DPPA2: variants seen among roughly 807,000 people sequenced by gnomAD.
The protein encoded by DPPA2 is developmental pluripotency associated 2.
A neutral mutation model predicts 36.2 loss-of-function variants in DPPA2; 26 were observed. The observed-to-expected ratio is 0.72, with a 90% CI of 0.53 to 1.00. The LOEUF (loss-of-function observed/expected upper bound fraction) is 1.00, where lower values mean the gene tolerates loss of function less well. DPPA2 is among the 50% of genes least tolerant of loss of function. DPPA2 has a pLI of 0.00. For synonymous variants in DPPA2, 113 were observed against 123.2 expected (o/e 0.92, Z 0.55); for missense variants, 361 against 365.1 (o/e 0.99, Z 0.09).
At chr3:109,297,937 C>G (rs1707382049) in intron 8 of DPPA2, among the ~76,000 whole-genome samples, 1 of 152,130 alleles carries the variant, frequency 6.6e-6, no homozygotes, top group African/African-American at 2.4e-5. Flanking sequence ...TGAGACCCAT[C>G]TCTACTAAAA....
At chr3:109,310,785 T>C (rs893835541) in intron 3 of DPPA2, among the ~76,000 whole-genome samples, 8 of 151,780 alleles carry the variant, frequency 5.3e-5, no homozygotes, top group African/African-American at 9.7e-5. Context: ...ATTACAGGCA[T>C]GAGCCACCGC....
intron 8 of DPPA2, among the ~76,000 whole-genome samples, chr3:109,295,008 C>T (rs527518360): frequency 8.5e-5 from 13 of 152,052 alleles, no homozygotes; most frequent in South Asian, 6.2e-4. Context: ...ACAACAAGAG[C>T]GAAACTCCAT....
chr3:109,301,001 T>A (rs1707448559), intron 7 of DPPA2, among the ~76,000 whole-genome samples: 2 of 150,560 alleles, frequency 1.3e-5, no homozygotes, highest in Admixed American at 1.3e-4. Context: ...TTTTTTTTTT[T>A]AAGACAGGTT....
chr3:109,310,407 CAAAAA>C (rs147915128), intron 3 of DPPA2, among the ~76,000 whole-genome samples: 6 of 63,466 alleles, frequency 9.5e-5, no homozygotes, highest in East Asian at 1.5e-3. Context: ...GACTCTGTCT[CAAAAA>C]AAAAAAAAAA....
At chr3:109,301,876 GC>G (rs2107306422) in intron 7 of DPPA2, among the ~76,000 whole-genome samples, 1 of 152,152 alleles carries the variant, frequency 6.6e-6, no homozygotes, top group African/African-American at 2.4e-5. Flanking sequence ...TTCTAGTTCT[GC>G]ACATGTTCTA....
rs1707642627 is a variant in DPPA2, at chr3:109,309,058, G to T, written c.364C>A (p.Leu122Ile). The T allele has an allele frequency of 1.2e-6, 2 of 1,614,112 alleles. No individual in the cohort carries two copies. Among genetic ancestry groups the T allele is most frequent in the Non-Finnish European group, 1.7e-6 (2 of 1,180,032 alleles). ...TGTTCAGGGTAAGCATGCCTATGAA[G>T]CCTCAGATAAACTTCGATTTTCTTA... The part of the protein sequence containing the change: ...NGKKIEVYLR[L>I]HRHAYPEQRQ... Residue 122 changes from leucine to isoleucine, a missense_variant, in exon 5 of 9, where the codon CTT becomes ATT. Transcript: ENST00000478945.
intron 2 of DPPA2, 90 bp downstream of exon 2, chr3:109,314,420 G>A (rs1188595431): frequency 1.5e-6 from 2 of 1,330,296 alleles, no homozygotes; most frequent in Non-Finnish European, 2.0e-6. Context: ...CAGGAATGAA[G>A]ATTTGTGGTA....
chr3:109,315,854 C>T (rs1707776555), intron 1 of DPPA2, among the ~76,000 whole-genome samples: 1 of 151,692 alleles, frequency 6.6e-6, no homozygotes, highest in South Asian at 2.1e-4. Flanking sequence ...TATAGTGAGA[C>T]CTCATCTCTA....
chr3:109,313,476 G>C (rs1469826678), intron 2 of DPPA2, among the ~76,000 whole-genome samples: 1 of 152,200 alleles, frequency 6.6e-6, no homozygotes, highest in Non-Finnish European at 1.5e-5. Context: ...AAAGCAGGTA[G>C]ATAGAAAGAA....
At chr3:109,309,804 G>A (rs556776695) in intron 3 of DPPA2, among the ~76,000 whole-genome samples, 46 of 152,102 alleles carry the variant, frequency 3.0e-4, no homozygotes, top group South Asian at 1.9e-3. Context: ...GGCCGGGCAC[G>A]GTGGCTCACA....
chr3:109,300,323 C>T (rs1707436093), intron 8 of DPPA2, 48 bp downstream of exon 8: 1 of 1,503,906 alleles, frequency 6.6e-7, no homozygotes, highest in Non-Finnish European at 9.2e-7. Flanking sequence ...CAATTGCCTT[C>T]AAATCAAAAT....
intron 2 of DPPA2, among the ~76,000 whole-genome samples, chr3:109,314,021 C>G (rs1019131740): frequency 5.3e-5 from 8 of 152,046 alleles, no homozygotes; most frequent in Non-Finnish European, 1.0e-4. Context: ...TCATTTGGTA[C>G]CAAGGCCACT....
intron 5 of DPPA2, 30 bp downstream of exon 5, chr3:109,308,996 C>G: frequency 6.2e-7 from 1 of 1,614,028 alleles, no homozygotes; most frequent in Non-Finnish European, 8.5e-7. Context: ...CAGAACCCAC[C>G]TTCACACCAT....
chr3:109,312,724 T>G (rs1707732755), intron 2 of DPPA2, 32 bp from the exon 3 acceptor site: 1 of 1,610,958 alleles, frequency 6.2e-7, no homozygotes, highest in Non-Finnish European at 8.5e-7. Flanking sequence ...TGATTTTCAT[T>G]TGATGCGGTA....
At chr3:109,311,240 C>T (rs1707704306) in intron 3 of DPPA2, among the ~76,000 whole-genome samples, 1 of 152,090 alleles carries the variant, frequency 6.6e-6, no homozygotes, top group African/African-American at 2.4e-5. Flanking sequence ...GATTTTGGAC[C>T]ACAAAATATC....
In DPPA2 at chr3:109,315,850, G is replaced by C. The variant is rs1256325661; in HGVS notation, c.-14+434C>G. 2.0e-5 allele frequency among the ~76,000 whole-genome samples: 3 copies of C among 152,096 alleles called. No homozygotes were observed. In the East Asian group the frequency reaches 5.8e-4, roughly 29 times the overall value. On this transcript the variant is annotated intron_variant, in intron 1 of 8. Transcript: ENST00000478945. ...TCGAGACCAGCCTGGGCAATATAGT[G>C]AGACCTCATCTCTATGAATAAATAA...
chr3:109,307,954 G>T, intron 6 of DPPA2, 78 bp downstream of exon 6: 1 of 1,500,910 alleles, frequency 6.7e-7, no homozygotes, highest in South Asian at 1.3e-5. Context: ...CCTTCCCTTT[G>T]ACCACGTTTC....
At chr3:109,316,247 G>C (rs1707782191) in intron 1 of DPPA2, 37 bp downstream of exon 1, 2 of 127,290 alleles carry the variant, frequency 1.6e-5, no homozygotes, top group South Asian at 5.9e-4. Flanking sequence ...GCGCCACCAC[G>C]CCCCGCTAAT....
At chr3:109,302,516 C>T (rs921216512) in intron 7 of DPPA2, among the ~76,000 whole-genome samples, 8 of 152,016 alleles carry the variant, frequency 5.3e-5, no homozygotes, top group African/African-American at 1.2e-4. Context: ...AGCAGTGGTG[C>T]GATCTTGCCT....
Sources: allele counts gnomAD v4.1 joint callset (sites outside exome capture counted in the v4.1 genomes callset), GRCh38; gene constraint gnomAD v4.1.1; transcripts MANE v1.5; gene names NCBI Gene and HGNC (gene_info 2026-07-23, HGNC 2026-07-21).